The following ECE1 variants were observed in gnomAD, a reference collection of about 807,000 sequenced individuals.
The protein encoded by ECE1 is endothelin-converting enzyme 1.
A neutral mutation model predicts 98.6 loss-of-function variants in ECE1; 35 were observed. The ratio of observed to expected loss-of-function variants is 0.35; its 90% CI spans 0.27 to 0.47. The LOEUF (loss-of-function observed/expected upper bound fraction) is 0.47. Among genes scored for constraint, ECE1 ranks in the 20% least tolerant of loss-of-function variants. ECE1 has a pLI of 1.00. For synonymous variants in ECE1, 394 were observed against 407.1 expected, an observed-to-expected ratio of 0.97 and a Z score of 0.39; for missense variants, 814 against 1,025.3, an observed-to-expected ratio of 0.79 and a Z score of 2.81.
chr1:21,325,629 G>A (rs559527264), intron 1 of ECE1, among the ~76,000 whole-genome samples: 1 of 152,380 alleles, frequency 6.6e-6, no homozygotes, highest in Middle Eastern at 3.4e-3. Context: ...ACCTCACCAA[G>A]CCTCAGCCTC....
intron 1 of ECE1, among the ~76,000 whole-genome samples, chr1:21,323,288 C>A (rs921541364): frequency 6.6e-6 from 1 of 152,102 alleles, no homozygotes; most frequent in Admixed American, 6.6e-5. Context: ...CAGCTGGAAC[C>A]GGCGGGGGGA....
At chr1:21,318,534 G>A (rs966468859) in intron 1 of ECE1, among the ~76,000 whole-genome samples, 3 of 152,000 alleles carry the variant, frequency 2.0e-5, no homozygotes, top group Admixed American at 2.0e-4. Flanking sequence ...TCCGCTCTGG[G>A]CTTCAGTTTC....
chr1:21,252,946 C>A (rs1165519593), intron 8 of ECE1, among the ~76,000 whole-genome samples: 16 of 152,206 alleles, frequency 1.1e-4, no homozygotes, highest in Admixed American at 1.0e-3. Context: ...TCATCCTTTA[C>A]CTCAACTTAT....
At chr1:21,292,962 A>T (rs930866465), upstream of ECE1, among the ~76,000 whole-genome samples, 1 of 152,150 alleles carries the variant, frequency 6.6e-6, no homozygotes, top group African/African-American at 2.4e-5. Flanking sequence ...CTAGAACAGG[A>T]CACTTGGTTA....
chr1:21,248,119 A>T (rs893082053), intron 8 of ECE1, among the ~76,000 whole-genome samples: 4 of 152,124 alleles, frequency 2.6e-5, no homozygotes, highest in African/African-American at 9.7e-5. Flanking sequence ...ACTTTCAGCA[A>T]GAAAGGAAAA....
Position 21,225,224 on chromosome 1 carries a change from G to A in ECE1, c.2040+26C>T. On this transcript the variant is annotated intron_variant, in intron 17 of 18. Transcript: ENST00000374893. The surrounding 1 kb of genome is among the most constrained non-coding windows in gnomAD (Gnocchi z 5.3). ...TGGAAGGAGCCAGCACTGGGACCGTGCGCGTGTGGGGAGCGGGGCTCTCAC... is the reference window on the plus strand; with the variant it reads ...TGGAAGGAGCCAGCACTGGGACCGTACGCGTGTGGGGAGCGGGGCTCTCAC... 6.2e-7 allele frequency: 1 copy of A among 1,613,102 alleles called. No homozygotes were observed. Among genetic ancestry groups the A allele is most frequent in the Non-Finnish European group, 8.5e-7 (1 of 1,179,798 alleles).
chr1:21,323,268 C>A lies in ECE1; in HGVS notation c.3+22108G>T, dbSNP rs568039099. Among the ~76,000 whole-genome samples, 42 of 152,236 alleles carry A rather than the reference C, an allele frequency of 2.8e-4. No homozygotes were observed. In the East Asian group the frequency reaches 7.5e-3, roughly 27 times the overall value. On this transcript the variant is annotated intron_variant, in intron 1 of 18. Coordinates refer to the ECE1 transcript ENST00000415912. ...TAGGTGGAGAAAGGCCCTAGCCTCC[C>A]AGAACAACACAGCTGGAACCGGCGG...
At position 21,247,362 on chromosome 1, in the gene ECE1, G is replaced by A. The variant is rs1076669; in HGVS notation, c.1022C>T (p.Thr341Ile). The part of the protein sequence containing the change: ...YHKVTAAELQ[T>I]LAPAINWLPF... Reference sequence around the variant, plus strand: ...CAACCAGTTGATGGCGGGTGCCAAGGTCTGCAAGGGAAAAGGACAGTGTGA... The same window carrying A: ...CAACCAGTTGATGGCGGGTGCCAAGATCTGCAAGGGAAAAGGACAGTGTGA... The change falls in exon 9 of 19, where the codon ACC becomes ATC. Residue 341 changes from threonine to isoleucine, a missense_variant and splice_region_variant. Around this residue, in one of 3 missense-constraint regions of ECE1, gnomAD observed 105 missense variants for 179.1 expected, o/e 0.59. Coordinates refer to ENST00000374893, the MANE Select transcript of ECE1 (RefSeq NM_001397.3). 0.071 allele frequency: 114,729 copies of A among 1,614,150 alleles called. 4,602 individuals carry two copies. Among genetic ancestry groups the A allele is most frequent in the Non-Finnish European group, 0.082 (97,314 of 1,180,002 alleles).
At chr1:21,291,313 C>T (rs1194404774), upstream of ECE1, among the ~76,000 whole-genome samples, 2 of 152,248 alleles carry the variant, frequency 1.3e-5, no homozygotes, top group African/African-American at 4.8e-5. Flanking sequence ...GCGGGAATCC[C>T]TGCATTTATG....
rs1174844838 is a variant in ECE1 at position 21,218,548 on chromosome 1, C to G, written c.*1407G>C. The G allele has an allele frequency of 6.6e-6, 1 of 152,288 alleles. No homozygotes were observed. Among genetic ancestry groups the G allele is most frequent in the Non-Finnish European group, 1.5e-5 (1 of 68,170 alleles). The allele number at this position is 152,288 out of a possible 1,614,324, so 9.4% of individuals were successfully genotyped here. A position where few individuals can be genotyped will look rare whatever the true frequency, so the allele number is the denominator to read the frequency against. On this transcript the variant is annotated 3_prime_UTR_variant, in exon 19 of 19. Transcript: ENST00000374893. The surrounding 1 kb of genome is among the most constrained non-coding windows in gnomAD (Gnocchi z 4.0). ...CAGCCATGTGGTGGATGACGGTGCT[C>G]AGAGAGAGGATTTGGGTCCTGCGGG... is the stretch of plus-strand genomic sequence containing the variant.
chr1:21,339,645 G>C (rs556081599), intron 1 of ECE1, among the ~76,000 whole-genome samples: 21 of 152,314 alleles, frequency 1.4e-4, no homozygotes, highest in African/African-American at 4.3e-4. Flanking sequence ...GAAGTTGGTG[G>C]TTCCTAATCC....
At chr1:21,315,978 A>G (rs1040288406) in intron 1 of ECE1, among the ~76,000 whole-genome samples, 2 of 152,154 alleles carry the variant, frequency 1.3e-5, no homozygotes, top group Non-Finnish European at 2.9e-5. Context: ...TGCCACAGTC[A>G]GCTTACCTGT....
intron 1 of ECE1, among the ~76,000 whole-genome samples, chr1:21,308,702 C>T (rs1013982549): frequency 6.6e-6 from 1 of 151,918 alleles, no homozygotes; most frequent in African/African-American, 2.4e-5. Flanking sequence ...CTGAATGAGA[C>T]GGTGAACAGC....
At chr1:21,318,286 TC>T (rs1638876610) in intron 1 of ECE1, among the ~76,000 whole-genome samples, 1 of 152,124 alleles carries the variant, frequency 6.6e-6, no homozygotes, top group Non-Finnish European at 1.5e-5. Context: ...TGATCAGCGT[TC>T]CTGAGGGCCC....
intron 1 of ECE1, among the ~76,000 whole-genome samples, chr1:21,304,356 C>T (rs1323717024): frequency 1.4e-5 from 2 of 144,106 alleles, no homozygotes; most frequent in East Asian, 2.2e-4. Flanking sequence ...TACGCCAATG[C>T]TGGGACCACA....
rs188063414 is a variant in ECE1, at chr1:21,262,378, G to A, written c.494-1986C>T. Among the ~76,000 whole-genome samples the A allele has an allele frequency of 1.2e-4, 18 of 152,334 alleles. 1 individual carries two copies. The highest frequency in any genetic ancestry group is 3.8e-4 in the African/African-American group (16 of 41,586). ...AAGCTGGGATACAGAAGATCAGGGAGAGCAAAAGGGGAGTGCCTCGCCCCT... is the reference window on the plus strand; with the variant it reads ...AAGCTGGGATACAGAAGATCAGGGAAAGCAAAAGGGGAGTGCCTCGCCCCT... On this transcript the variant is annotated intron_variant, in intron 4 of 18. Transcript: ENST00000374893.
intron 1 of ECE1, among the ~76,000 whole-genome samples, chr1:21,325,191 T>C (rs1418521524): frequency 6.6e-6 from 1 of 152,236 alleles, no homozygotes; most frequent in Non-Finnish European, 1.5e-5. Flanking sequence ...AGATGAACCA[T>C]AAACTGGCTC....
chr1:21,329,780 A>G (rs1401437365), intron 1 of ECE1, among the ~76,000 whole-genome samples: 1 of 152,190 alleles, frequency 6.6e-6, no homozygotes, highest in Admixed American at 6.5e-5. Flanking sequence ...CAGACTGCCT[A>G]CAAGGCTAGT....
chr1:21,310,447 G>C (rs1638693524), intron 1 of ECE1, among the ~76,000 whole-genome samples: 1 of 152,182 alleles, frequency 6.6e-6, no homozygotes, highest in African/African-American at 2.4e-5. Flanking sequence ...GTAGAGGTGG[G>C]GCCTGATGCT....
Sources: gnomAD v4.1 joint callset for allele counts (sites outside exome capture counted in the v4.1 genomes callset) on GRCh38, gnomAD v4.1.1 for gene constraint, gnomAD v4.1.1 regional missense constraint, Gnocchi (gnomAD v3.1) non-coding constraint, MANE v1.5 for transcripts, NCBI Gene and HGNC (gene_info 2026-07-23, HGNC 2026-07-21) for gene names.